Variants in ADAMTS16 observed in about 807,000 individuals in gnomAD.
ADAMTS16 encodes the protein ADAM metallopeptidase with thrombospondin type 1 motif 16, also known as A disintegrin and metalloproteinase with thrombospondin motifs 16.
A neutral mutation model predicts 145.8 loss-of-function variants in ADAMTS16; 94 were observed. The observed-to-expected ratio is 0.64, with a 90% CI of 0.55 to 0.77. ADAMTS16 has a LOEUF of 0.77. Ranked by LOEUF, ADAMTS16 falls within the 30% of genes least tolerant of loss-of-function variation. The pLI is 0.00. For missense variants in ADAMTS16, 1,585 were observed against 1,591.5 expected, an observed-to-expected ratio of 1.00 and a Z score of 0.07; for synonymous variants, 659 against 604.3, an observed-to-expected ratio of 1.09 and a Z score of -1.33.
chr5:5,153,045 A>AG (rs1469387296), intron 3 of ADAMTS16, among the ~76,000 whole-genome samples: 1 of 152,246 alleles, frequency 6.6e-6, no homozygotes, highest in Non-Finnish European at 1.5e-5. Flanking sequence ...TTGAAACCAC[A>AG]GTACTATTTC....
chr5:5,319,242 G>A lies in ADAMTS16; in HGVS notation c.*104G>A. ...CGGAATACATCCAAGGAAGAGCAAA[G>A]CCAAAAGAAGAAAACCGTGTTAGGC... On this transcript the variant is annotated 3_prime_UTR_variant, in exon 23 of 23. Coordinates refer to ENST00000274181, the MANE Select transcript of ADAMTS16 (RefSeq NM_139056.4). The A allele has an allele frequency of 1.2e-6, 1 of 854,676 alleles. No individual in the cohort carries two copies. The highest frequency in any genetic ancestry group is 1.9e-6 in the Non-Finnish European group (1 of 533,262). 52.9% of individuals were successfully genotyped at this position (854,676 alleles called of 1,614,324 possible).
At chr5:5,202,448 A>G (rs1360317706) in intron 9 of ADAMTS16, among the ~76,000 whole-genome samples, 1 of 152,214 alleles carries the variant, frequency 6.6e-6, no homozygotes, top group Non-Finnish European at 1.5e-5. Flanking sequence ...ATAGGAGTAC[A>G]TTTAGCATTT....
In ADAMTS16 at chr5:5,317,395, CT is replaced by C. The variant is rs1734100578; in HGVS notation, c.3412-737del. On this transcript the variant is annotated intron_variant, in intron 21 of 22. Coordinates refer to ENST00000274181, the MANE Select transcript of ADAMTS16 (RefSeq NM_139056.4). The surrounding 1 kb of genome is among the most constrained non-coding windows in gnomAD (Gnocchi z 4.5). ...ATCAGTATACTTACTTACTTACTTA[CT>C]TATTTATTTATTTTTGAGATGGAGT... 6.9e-6 allele frequency among the ~76,000 whole-genome samples: 1 copy of C among 145,128 alleles called. No homozygotes were observed. Among genetic ancestry groups the C allele is most frequent in the African/African-American group, 2.6e-5 (1 of 37,750 alleles).
intron 10 of ADAMTS16, among the ~76,000 whole-genome samples, chr5:5,222,357 A>AT (rs1553991929): frequency 6.6e-6 from 1 of 151,978 alleles, no homozygotes; most frequent in Non-Finnish European, 1.5e-5. Context: ...GGATGGATGG[A>AT]CAAGTGAACA....
intron 3 of ADAMTS16, among the ~76,000 whole-genome samples, chr5:5,158,971 G>A (rs1255959017): frequency 1.3e-5 from 2 of 152,230 alleles, no homozygotes; most frequent in Admixed American, 6.5e-5. Flanking sequence ...AAGTGATACA[G>A]TGACCATCTA....
At chr5:5,312,929 A>G (rs1740516737) in intron 21 of ADAMTS16, among the ~76,000 whole-genome samples, 1 of 152,100 alleles carries the variant, frequency 6.6e-6, no homozygotes, top group African/African-American at 2.4e-5. Context: ...CTGAACCCTA[A>G]CCTCTGGCTG....
intron 18 of ADAMTS16, among the ~76,000 whole-genome samples, chr5:5,273,553 T>A (rs373056039): frequency 6.6e-6 from 1 of 152,122 alleles, no homozygotes. Flanking sequence ...AGATAAACAC[T>A]GTTAGGGAGC....
rs972854166 is a variant in ADAMTS16, at chr5:5,269,674, A to G, written c.2789+6891A>G. On this transcript the variant is annotated intron_variant, in intron 18 of 22. Transcript: ENST00000274181. This position sits in a 1 kb window ranked among gnomAD's most constrained non-coding sequence, Gnocchi z 4.3. ...CTTTGGAAGTTACTATTTTTTCCATATAAGTGACCCATTTCGCCCAGTGGT... is the reference window on the plus strand; with the variant it reads ...CTTTGGAAGTTACTATTTTTTCCATGTAAGTGACCCATTTCGCCCAGTGGT... 1.3e-5 allele frequency among the ~76,000 whole-genome samples: 2 copies of G among 152,128 alleles called. No individual in the cohort carries two copies.
At chr5:5,305,087 CA>C in intron 20 of ADAMTS16, among the ~76,000 whole-genome samples, 1 of 65,830 alleles carries the variant, frequency 1.5e-5, no homozygotes, top group African/African-American at 5.5e-5. Context: ...ACACATCCCA[CA>C]CCACACACAC....
At chr5:5,298,754 T>C (rs868551330) in intron 18 of ADAMTS16, among the ~76,000 whole-genome samples, 26 of 152,242 alleles carry the variant, frequency 1.7e-4, no homozygotes, top group African/African-American at 4.8e-4. Flanking sequence ...GCTGCTATTT[T>C]ATATGAAGAC....
chr5:5,171,335 C>T lies in ADAMTS16; in HGVS notation c.502-10709C>T, dbSNP rs535138719. Among the ~76,000 whole-genome samples the T allele has an allele frequency of 2.0e-5, 3 of 152,276 alleles. No homozygotes were observed. In the South Asian group the frequency reaches 6.2e-4, roughly 32 times the overall value. Reference sequence around the variant, plus strand: ...GGATAACAGTGGTAAAAGTGAGCATCTTTGTTGTGTTCCAGATCACAGAGG... The same window carrying T: ...GGATAACAGTGGTAAAAGTGAGCATTTTTGTTGTGTTCCAGATCACAGAGG... On this transcript the variant is annotated intron_variant, in intron 3 of 22. Transcript: ENST00000274181.
chr5:5,276,417 A>C (rs2042885), intron 18 of ADAMTS16, among the ~76,000 whole-genome samples: 3,024 of 152,312 alleles, frequency 0.02, 101 homozygotes, highest in African/African-American at 0.068. Flanking sequence ...GACAGACCCG[A>C]GTGTAAATTA....
Position 5,140,761 on chromosome 5 carries a change from A to G in ADAMTS16, c.170A>G (p.Lys57Arg). 1 of 1,560,032 alleles carries G rather than the reference A, an allele frequency of 6.4e-7. No homozygotes were observed. The highest frequency in any genetic ancestry group is 1.4e-5 in the African/African-American group (1 of 73,624). The change falls in exon 2 of 23, where the codon AAG becomes AGG. Residue 57 changes from lysine to arginine, a missense_variant. Physicochemically the swap from Lys to Arg is conservative, Grantham distance 26. Transcript: ENST00000274181. ...GCGGAGCGGCCGGGCTGGATGGAAA[A>G]GGGCGGTAAGTCCGTGAGGTGGGGG... is the stretch of plus-strand genomic sequence containing the variant. ...PPAERPGWME[K>R]GEYDLVSAYE... is the part of the protein sequence containing the mutation.
intron 18 of ADAMTS16, among the ~76,000 whole-genome samples, chr5:5,288,162 C>T (rs1171548889): frequency 6.6e-6 from 1 of 152,184 alleles, no homozygotes; most frequent in Non-Finnish European, 1.5e-5. Context: ...GAATGGGAAA[C>T]TGACAGTGTT....
At chr5:5,181,961 C>T (rs1386470283) in intron 3 of ADAMTS16, 83 bp from the exon 4 acceptor site, 1 of 1,434,646 alleles carries the variant, frequency 7.0e-7, no homozygotes, top group Non-Finnish European at 9.4e-7. Flanking sequence ...AGAATAATAA[C>T]AAATGCAATG....
intron 9 of ADAMTS16, among the ~76,000 whole-genome samples, chr5:5,204,630 A>C (rs1298199932): frequency 6.6e-6 from 1 of 152,240 alleles, no homozygotes. Context: ...GTTATGTTGC[A>C]TATAATTTAT....
chr5:5,271,785 G>A (rs979154693), intron 18 of ADAMTS16, among the ~76,000 whole-genome samples: 1 of 152,160 alleles, frequency 6.6e-6, no homozygotes, highest in Non-Finnish European at 1.5e-5. Flanking sequence ...ATAACGCCGA[G>A]TAAGAGTCTG....
intron 3 of ADAMTS16, among the ~76,000 whole-genome samples, chr5:5,158,279 C>T (rs1050632606): frequency 2.6e-5 from 4 of 152,214 alleles, no homozygotes; most frequent in African/African-American, 9.6e-5. Context: ...AGTACCACCA[C>T]TGCCTGGCAG....
intron 8 of ADAMTS16, 78 bp downstream of exon 8, chr5:5,191,868 C>T: frequency 9.4e-7 from 1 of 1,061,034 alleles, no homozygotes; most frequent in South Asian, 1.4e-5. Context: ...ATTGACTCAT[C>T]AAGTCAAGTC....
Sources: allele counts gnomAD v4.1 joint callset (sites outside exome capture counted in the v4.1 genomes callset), GRCh38; gene constraint gnomAD v4.1.1; non-coding constraint Gnocchi (gnomAD v3.1); transcripts MANE v1.5; gene names NCBI Gene and HGNC (gene_info 2026-07-23, HGNC 2026-07-21).